SP140L: variants seen among roughly 807,000 people sequenced by gnomAD.
The protein encoded by SP140L is nuclear body protein SP140-like protein.
In SP140L, 64 loss-of-function variants were observed where a neutral mutation model predicts 84.3. That is an observed-to-expected ratio of 0.76 (90% CI 0.62 to 0.94). The LOEUF (loss-of-function observed/expected upper bound fraction) is 0.94. SP140L is among the 40% of genes least tolerant of loss of function. SP140L has a pLI of 0.00. For synonymous variants in SP140L, 242 were observed against 236.9 expected, an observed-to-expected ratio of 1.02 and a Z score of -0.20; for missense variants, 628 against 692.5, an observed-to-expected ratio of 0.91 and a Z score of 1.05.
chr2:230,379,684 A>G (rs1364980639), intron 7 of SP140L, among the ~76,000 whole-genome samples: 2 of 152,152 alleles, frequency 1.3e-5, no homozygotes, highest in African/African-American at 4.8e-5. Flanking sequence ...TTGTATGTAC[A>G]AATTTGTCTT....
intron 5 of SP140L, among the ~76,000 whole-genome samples, chr2:230,364,910 T>C (rs1319638727): frequency 6.6e-6 from 1 of 152,108 alleles, no homozygotes; most frequent in Non-Finnish European, 1.5e-5. Context: ...ATAATTTTTG[T>C]CCTTCATTCT....
chr2:230,393,701 A>G (rs1375304518), intron 13 of SP140L, among the ~76,000 whole-genome samples: 1 of 152,218 alleles, frequency 6.6e-6, no homozygotes, highest in Non-Finnish European at 1.5e-5. Context: ...GGAGCCCTCA[A>G]AACAAACCTC....
At chr2:230,364,075 T>C (rs2060800069) in intron 5 of SP140L, among the ~76,000 whole-genome samples, 1 of 152,216 alleles carries the variant, frequency 6.6e-6, no homozygotes, top group Admixed American at 6.5e-5. Flanking sequence ...CTTTGTAGTA[T>C]ATATTGAAGT....
chr2:230,375,243 A>T (rs993708889), intron 7 of SP140L, among the ~76,000 whole-genome samples: 1 of 152,166 alleles, frequency 6.6e-6, no homozygotes, highest in Non-Finnish European at 1.5e-5. Context: ...ACATGATTTT[A>T]TATATATTTT....
intron 12 of SP140L, among the ~76,000 whole-genome samples, chr2:230,393,037 G>C (rs1277806932): frequency 6.6e-6 from 1 of 152,096 alleles, no homozygotes; most frequent in Non-Finnish European, 1.5e-5. Flanking sequence ...AGATTGATCA[G>C]AGTGACTGAC....
chr2:230,361,764 G>A, intron 5 of SP140L, 67 bp downstream of exon 5: 2 of 1,240,176 alleles, frequency 1.6e-6, no homozygotes, highest in Admixed American at 2.1e-5. Flanking sequence ...GGAGGTGAGG[G>A]CCCAAGGTCC....
At chr2:230,327,396 T>C in intron 1 of SP140L, 95 bp downstream of exon 1, 1 of 1,418,094 alleles carries the variant, frequency 7.1e-7, no homozygotes, top group Non-Finnish European at 9.7e-7. Flanking sequence ...TTCAGTTTAG[T>C]CCTGCTTTGC....
intron 13 of SP140L, among the ~76,000 whole-genome samples, chr2:230,394,991 T>TA (rs1292319883): frequency 9.8e-5 from 5 of 50,882 alleles, no homozygotes; most frequent in Non-Finnish European, 2.5e-4. Flanking sequence ...ACTCCAGTAA[T>TA]TTTTTTTTTT....
chr2:230,369,815 A>G (rs1169278523), intron 5 of SP140L, among the ~76,000 whole-genome samples: 3 of 152,158 alleles, frequency 2.0e-5, no homozygotes, highest in South Asian at 2.1e-4. Flanking sequence ...TGTCACCCAG[A>G]CTGGAGTGCA....
At chr2:230,368,278 A>T (rs2060948733) in intron 5 of SP140L, among the ~76,000 whole-genome samples, 1 of 152,084 alleles carries the variant, frequency 6.6e-6, no homozygotes, top group Non-Finnish European at 1.5e-5. Flanking sequence ...TTTCTTCAGC[A>T]CCTTTAATAT....
intron 2 of SP140L, among the ~76,000 whole-genome samples, chr2:230,354,651 G>A (rs1181642813): frequency 6.6e-6 from 1 of 151,802 alleles, no homozygotes; most frequent in East Asian, 1.9e-4. Flanking sequence ...GGTGACATCT[G>A]TAGTCCTAGC....
intron 7 of SP140L, among the ~76,000 whole-genome samples, chr2:230,382,489 G>C (rs2061442391): frequency 6.6e-6 from 1 of 152,132 alleles, no homozygotes; most frequent in African/African-American, 2.4e-5. Context: ...TCTGGTGGCT[G>C]TACCTTCATC....
intron 14 of SP140L, among the ~76,000 whole-genome samples, 187 bp downstream of exon 14, chr2:230,396,985 A>G (rs1167669890): frequency 6.6e-6 from 1 of 152,050 alleles, no homozygotes; most frequent in Non-Finnish European, 1.5e-5. Context: ...TGCAGTGTGA[A>G]AGCACTCTTT....
chr2:230,389,832 C>G (rs2061728154), intron 10 of SP140L, 87 bp from the exon 11 acceptor site: 4 of 1,277,618 alleles, frequency 3.1e-6, no homozygotes, highest in African/African-American at 3.0e-5. Context: ...CCTAAGTACT[C>G]TTTGTGCCTT....
At chr2:230,392,681 T>A (rs909933707) in intron 12 of SP140L, among the ~76,000 whole-genome samples, 14 of 152,154 alleles carry the variant, frequency 9.2e-5, no homozygotes, top group African/African-American at 3.4e-4. Context: ...GGGTTGTCTG[T>A]GGAGCACTTT....
At chr2:230,337,696 T>G (rs2059918866) in intron 2 of SP140L, among the ~76,000 whole-genome samples, 1 of 152,184 alleles carries the variant, frequency 6.6e-6, no homozygotes, top group South Asian at 2.1e-4. Flanking sequence ...GGGATCCAGT[T>G]TCAGCTTTCT....
At chr2:230,340,743 A>T in intron 2 of SP140L, among the ~76,000 whole-genome samples, 2 of 105,262 alleles carry the variant, frequency 1.9e-5, no homozygotes, top group African/African-American at 3.7e-5. Flanking sequence ...TTTCTCCTTC[A>T]CTTATGAAGC....
chr2:230,401,632 G>A, intron 17 of SP140L, 32 bp from the exon 18 acceptor site: 1 of 1,091,952 alleles, frequency 9.2e-7, no homozygotes, highest in Non-Finnish European at 1.3e-6. Flanking sequence ...GAACTATGCT[G>A]GTAGCTTTTC....
At chr2:230,389,705 T>C (rs999169424) in intron 10 of SP140L, among the ~76,000 whole-genome samples, 3 of 152,348 alleles carry the variant, frequency 2.0e-5, no homozygotes, top group African/African-American at 4.8e-5. Context: ...TGATAAAGCA[T>C]TCAATTTTCT....
Sources: gnomAD v4.1 joint callset for allele counts (sites outside exome capture counted in the v4.1 genomes callset) on GRCh38, gnomAD v4.1.1 for gene constraint, MANE v1.5 for transcripts, NCBI Gene and HGNC (gene_info 2026-07-23, HGNC 2026-07-21) for gene names.